The following GLI3 variants were observed in gnomAD, a reference collection of about 807,000 sequenced individuals.
The protein encoded by GLI3 is transcription activator GLI3.
A neutral mutation model predicts 100.8 loss-of-function variants in GLI3; 20 were observed. The observed-to-expected ratio is 0.20, with a 90% CI of 0.14 to 0.29. The LOEUF (loss-of-function observed/expected upper bound fraction) is 0.29. Among genes scored for constraint, GLI3 ranks in the 10% least tolerant of loss-of-function variants. The pLI is 1.00. For missense variants in GLI3, 2,040 were observed against 2,128.5 expected (o/e 0.96, Z 0.82); for synonymous variants, 938 against 860.5 (o/e 1.09, Z -1.58).
chr7:42,184,511 C>G (rs1787680351), intron 2 of GLI3, among the ~76,000 whole-genome samples: 1 of 152,202 alleles, frequency 6.6e-6, no homozygotes, highest in African/African-American at 2.4e-5. Context: ...GAAGGAACAC[C>G]ATATCTGTTT....
At chr7:42,010,586 T>C (rs909129177) in intron 10 of GLI3, among the ~76,000 whole-genome samples, 1 of 152,168 alleles carries the variant, frequency 6.6e-6, no homozygotes, top group African/African-American at 2.4e-5. Context: ...CAATGGTATC[T>C]AACTGGCCAT....
intron 2 of GLI3, among the ~76,000 whole-genome samples, chr7:42,197,769 G>C (rs1271870692): frequency 1.3e-5 from 2 of 152,200 alleles, no homozygotes; most frequent in African/African-American, 4.8e-5. Context: ...CATGCATTGA[G>C]ACTGAAACAA....
intron 2 of GLI3, among the ~76,000 whole-genome samples, chr7:42,202,400 C>T (rs986032314): frequency 6.7e-6 from 1 of 148,416 alleles, no homozygotes; most frequent in African/African-American, 2.5e-5. Context: ...ACACACAGGG[C>T]AAATCAGTAT....
intron 3 of GLI3, among the ~76,000 whole-genome samples, chr7:42,138,440 CA>C (rs1786483094): frequency 1.3e-5 from 2 of 152,220 alleles, no homozygotes; most frequent in African/African-American, 4.8e-5. Context: ...ATCAAAAGGT[CA>C]ACCCACTTGG....
At chr7:41,980,267 T>C (rs1787622041) in intron 10 of GLI3, among the ~76,000 whole-genome samples, 1 of 152,186 alleles carries the variant, frequency 6.6e-6, no homozygotes, top group South Asian at 2.1e-4. Context: ...CCATGCTCCA[T>C]GTCAGTGTTT....
At position 42,172,544 on chromosome 7, in the gene GLI3, G is replaced by A. The variant is rs142193381; in HGVS notation, c.125-24076C>T. 4.7e-4 allele frequency: 327 copies of A among 702,992 alleles called. 5 individuals carry two copies. The East Asian group carries it at 8.0e-3, about 17-fold the overall frequency. 43.5% of individuals were successfully genotyped at this position (702,992 alleles called of 1,614,324 possible). The stretch of plus-strand genomic sequence containing the variant: ...CCTAGGTAAATGTATGGGTTTGTAC[G>A]CATTCTTTGGAGCTTCCCCCTTTCA... On this transcript the variant is annotated intron_variant, in intron 2 of 14. Coordinates refer to ENST00000395925, the MANE Select transcript of GLI3 (RefSeq NM_000168.6).
intron 13 of GLI3, among the ~76,000 whole-genome samples, chr7:41,968,713 G>GAAGAAAGA (rs1231824406): frequency 9.6e-5 from 9 of 93,984 alleles, no homozygotes; most frequent in Admixed American, 3.6e-4. Context: ...AAGAAAGAAA[G>GAAGAAAGA]AAGAAAGAAA....
chr7:41,995,794 G>A (rs574361016), intron 10 of GLI3, among the ~76,000 whole-genome samples: 2 of 152,264 alleles, frequency 1.3e-5, no homozygotes, highest in South Asian at 4.2e-4. Context: ...GGAGAAAACC[G>A]AAAGCATCCA....
chr7:42,166,653 T>C (rs1787248748), intron 2 of GLI3, among the ~76,000 whole-genome samples: 2 of 90,002 alleles, frequency 2.2e-5, no homozygotes, highest in South Asian at 8.0e-4. Context: ...CTGATTCCTT[T>C]TTTTTTTTTT....
intron 1 of GLI3, among the ~76,000 whole-genome samples, chr7:42,247,510 A>C (rs1321491930): frequency 6.6e-6 from 1 of 152,206 alleles, no homozygotes; most frequent in African/African-American, 2.4e-5. Flanking sequence ...AAAGCCAACA[A>C]AGTTACAGAA....
At chr7:42,112,778 C>T (rs1400310141) in intron 3 of GLI3, among the ~76,000 whole-genome samples, 1 of 150,970 alleles carries the variant, frequency 6.6e-6, no homozygotes, top group Non-Finnish European at 1.5e-5. Flanking sequence ...CACTGCCATC[C>T]CCACTGTAGA....
chr7:42,253,474 G>C (rs74346251), intron 1 of GLI3, among the ~76,000 whole-genome samples: 8,439 of 152,294 alleles, frequency 0.055, 518 homozygotes, highest in African/African-American at 0.16. Flanking sequence ...CCCAGCCTGA[G>C]GCTACCAGCT....
intron 9 of GLI3, among the ~76,000 whole-genome samples, chr7:42,024,110 C>T (rs554601892): frequency 2.0e-5 from 3 of 152,226 alleles, no homozygotes; most frequent in South Asian, 2.1e-4. Context: ...ATGCTGTTTT[C>T]GCTGCTGTTG....
At chr7:42,103,740 C>T (rs1435665122) in intron 3 of GLI3, among the ~76,000 whole-genome samples, 12 of 100,008 alleles carry the variant, frequency 1.2e-4, no homozygotes, top group Non-Finnish European at 2.5e-4. Flanking sequence ...AATCACCTAT[C>T]CAAGAGCACC....
Position 41,965,316 on chromosome 7 carries a change from G to T in GLI3, c.3757C>A (p.Gln1253Lys), listed in dbSNP as rs747943352. Residue 1253 changes from glutamine (Q) to lysine (K), a missense_variant, in exon 15 of 15, where the codon CAG (glutamine) becomes AAG (lysine). Coordinates refer to ENST00000395925, the MANE Select transcript of GLI3 (RefSeq NM_000168.6). ...TGCCTGTTGAGACAGTTCCCATACT[G>T]CGGGGCCTTACAGGGCTGTTCATGG... The part of the protein sequence containing the change: ...AFHEQPCKAP[Q>K]YGNCLNRQPV... 6.2e-7 allele frequency: 1 copy of T among 1,613,856 alleles called. No individual in the cohort carries two copies. The highest frequency in any genetic ancestry group is 8.5e-7 in the Non-Finnish European group (1 of 1,179,954).
chr7:42,217,624 G>A (rs935174184), intron 2 of GLI3, among the ~76,000 whole-genome samples: 8 of 152,180 alleles, frequency 5.3e-5, no homozygotes, highest in Admixed American at 6.5e-5. Flanking sequence ...CCTATTTTCC[G>A]ATTTAAGAAG....
intron 10 of GLI3, among the ~76,000 whole-genome samples, chr7:42,015,645 G>C (rs1007194966): frequency 3.3e-5 from 5 of 151,190 alleles, no homozygotes; most frequent in Admixed American, 3.3e-4. Context: ...CCAAGAAAAC[G>C]GGCTTGGCTG....
Position 42,247,578 on chromosome 7 carries a change from T to C in GLI3, c.-43+16416A>G, listed in dbSNP as rs563227422. Among the ~76,000 whole-genome samples the C allele has an allele frequency of 5.9e-5, 9 of 152,376 alleles. No individual in the cohort carries two copies. The East Asian group carries it at 1.7e-3, about 29-fold the overall frequency. On this transcript the variant is annotated intron_variant, in intron 1 of 2. Coordinates refer to the GLI3 transcript ENST00000678978. ...GGTCCACCACCAGGCGTCTGCTTCT[T>C]ATTCTGCTTCCGTGTAAGTTTGTGG...
chr7:42,248,155 C>T (rs569224802), intron 1 of GLI3, among the ~76,000 whole-genome samples: 1 of 152,188 alleles, frequency 6.6e-6, no homozygotes, highest in Non-Finnish European at 1.5e-5. Context: ...CTAAAGACCC[C>T]CATATCTCAA....
Sources: allele counts gnomAD v4.1 joint callset (sites outside exome capture counted in the v4.1 genomes callset), GRCh38; gene constraint gnomAD v4.1.1; transcripts MANE v1.5; gene names NCBI Gene and HGNC (gene_info 2026-07-23, HGNC 2026-07-21).